ATXN7: variants seen among roughly 807,000 people sequenced by gnomAD.
ATXN7 encodes the protein ataxin 7.
A neutral mutation model predicts 70.5 loss-of-function variants in ATXN7; 12 were observed. That is an observed-to-expected ratio of 0.17 (90% confidence interval 0.11 to 0.28). ATXN7 has a LOEUF of 0.28. Among genes scored for constraint, ATXN7 ranks in the 10% least tolerant of loss-of-function variants. The pLI is 1.00. For missense variants in ATXN7, 1,256 were observed against 1,131.7 expected (o/e 1.11, Z -1.58); for synonymous variants, 498 against 448.7 (o/e 1.11, Z -1.39).
rs1329065551 is a variant in ATXN7, at chr3:63,863,903, C to T, written c.-366C>T. 1.6e-5 allele frequency: 17 copies of T among 1,083,512 alleles called. No homozygotes were observed. Among genetic ancestry groups the T allele is most frequent in the South Asian group, 1.3e-4 (3 of 22,224 alleles). 67.1% of individuals were successfully genotyped at this position (1,083,512 alleles called of 1,614,324 possible). ...GGGTAAACAGCCATGGAGGAGGAGG[C>T]GGCGGCGCCCGCGGCCGCCTGCTCC... On this transcript the variant is annotated 5_prime_UTR_variant, in exon 1 of 13. Coordinates refer to ENST00000674280, the MANE Select transcript of ATXN7 (RefSeq NM_001377405.1).
At chr3:63,871,770 TTA>T (rs1249425742) in intron 1 of ATXN7, among the ~76,000 whole-genome samples, 2 of 152,158 alleles carry the variant, frequency 1.3e-5, no homozygotes, top group Non-Finnish European at 2.9e-5. Context: ...GCAAGAATTG[TTA>T]CAGGGGAGAA....
At chr3:63,874,457 A>G (rs1170190054) in intron 1 of ATXN7, among the ~76,000 whole-genome samples, 1 of 152,260 alleles carries the variant, frequency 6.6e-6, no homozygotes, top group Non-Finnish European at 1.5e-5. Flanking sequence ...AAATGATAAA[A>G]TGCTGTGCAT....
At chr3:63,865,317 C>A (rs1702377595) in intron 1 of ATXN7, 1 of 152,204 alleles carries the variant, frequency 6.6e-6, no homozygotes, top group South Asian at 2.1e-4. Flanking sequence ...AAGAACTTGA[C>A]TTTTGTCACA....
chr3:63,968,004 C>G (rs2075254701), intron 5 of ATXN7: 1 of 1,515,026 alleles, frequency 6.6e-7, no homozygotes, highest in Non-Finnish European at 8.9e-7. Flanking sequence ...TTTTCAGAGT[C>G]TGGGCTTGGC....
chr3:63,951,805 C>T (rs189053481), intron 4 of ATXN7, among the ~76,000 whole-genome samples: 3 of 152,260 alleles, frequency 2.0e-5, no homozygotes, highest in African/African-American at 7.2e-5. Flanking sequence ...ATATGAAATG[C>T]TGTTTGTACT....
At chr3:63,963,097 G>A (rs1249820393) in intron 5 of ATXN7, among the ~76,000 whole-genome samples, 1 of 151,444 alleles carries the variant, frequency 6.6e-6, no homozygotes, top group Non-Finnish European at 1.5e-5. Context: ...TGTATTTTTT[G>A]TAGAGGCAGG....
chr3:63,967,283 A>G (rs1325710647), intron 5 of ATXN7, among the ~76,000 whole-genome samples: 1 of 152,218 alleles, frequency 6.6e-6, no homozygotes, highest in East Asian at 1.9e-4. Context: ...AACTGGACAA[A>G]TGTGGATATG....
chr3:63,947,454 G>A (rs2074882686), intron 4 of ATXN7, among the ~76,000 whole-genome samples: 1 of 152,088 alleles, frequency 6.6e-6, no homozygotes, highest in Non-Finnish European at 1.5e-5. Flanking sequence ...TGGGCGTGGT[G>A]GTGCACACCT....
chr3:63,882,142 A>C (rs568054094), intron 1 of ATXN7, among the ~76,000 whole-genome samples: 8 of 152,106 alleles, frequency 5.3e-5, no homozygotes, highest in Non-Finnish European at 8.8e-5. Flanking sequence ...CAGCAGTATA[A>C]TTTTGCTGCT....
At chr3:63,980,420 C>T (rs2075466146) in intron 6 of ATXN7, 1 of 530,452 alleles carries the variant, frequency 1.9e-6, no homozygotes, top group Non-Finnish European at 3.4e-6. Context: ...AAACCTAACT[C>T]TATGTGTGTA....
chr3:63,972,405 A>T (rs946545248), intron 5 of ATXN7, among the ~76,000 whole-genome samples: 1 of 152,194 alleles, frequency 6.6e-6, no homozygotes, highest in Admixed American at 6.5e-5. Flanking sequence ...TGAAGCATGC[A>T]TTGGTATTTC....
At chr3:63,980,510 G>A (rs961275131) in intron 6 of ATXN7, 37 of 231,960 alleles carry the variant, frequency 1.6e-4, no homozygotes, top group African/African-American at 8.2e-4. Flanking sequence ...AGGAAGCTTC[G>A]TGAGGTGGGG....
intron 5 of ATXN7, among the ~76,000 whole-genome samples, chr3:63,966,535 T>G (rs2075225737): frequency 6.6e-6 from 1 of 152,184 alleles, no homozygotes. Flanking sequence ...AGGGCTTCCA[T>G]AGTTTTGGAT....
chr3:63,879,719 G>A (rs1024098088), intron 1 of ATXN7, among the ~76,000 whole-genome samples: 32 of 151,774 alleles, frequency 2.1e-4, no homozygotes, highest in African/African-American at 5.8e-4. Context: ...CTCGAACTCC[G>A]GACCTCAGGT....
chr3:63,899,679 TCTC>T (rs1703558974), intron 2 of ATXN7, among the ~76,000 whole-genome samples: 2 of 152,074 alleles, frequency 1.3e-5, no homozygotes, highest in African/African-American at 4.8e-5. Context: ...AGTGGCGCCA[TCTC>T]GGCTCACTGC....
intron 2 of ATXN7, among the ~76,000 whole-genome samples, chr3:63,899,877 A>C (rs1703570027): frequency 6.6e-6 from 1 of 152,238 alleles, no homozygotes; most frequent in Admixed American, 6.5e-5. Flanking sequence ...TCGGCCTCCC[A>C]AAGTGCTGGG....
intron 4 of ATXN7, among the ~76,000 whole-genome samples, chr3:63,928,634 G>A (rs1704814809): frequency 6.6e-6 from 1 of 152,144 alleles, no homozygotes. Flanking sequence ...TTTTAAAGAG[G>A]AAACTGAGGC....
chr3:63,939,834 C>G (rs1378616130), intron 4 of ATXN7, among the ~76,000 whole-genome samples: 1 of 152,174 alleles, frequency 6.6e-6, no homozygotes, highest in East Asian at 1.9e-4. Flanking sequence ...GGGTTTGGAA[C>G]TCCCCCAAAG....
chr3:63,892,030 G>T (rs78951605), intron 1 of ATXN7, among the ~76,000 whole-genome samples: 3,169 of 152,194 alleles, frequency 0.021, 99 homozygotes, highest in African/African-American at 0.07. Context: ...AGTATTCTTT[G>T]TAGGGCTGTG....
Sources: allele counts gnomAD v4.1 joint callset (sites outside exome capture counted in the v4.1 genomes callset), GRCh38; gene constraint gnomAD v4.1.1; transcripts MANE v1.5; gene names NCBI Gene and HGNC (gene_info 2026-07-23, HGNC 2026-07-21).